The following TRAPPC9 variants were observed in gnomAD, a reference collection of about 807,000 sequenced individuals.
The protein encoded by TRAPPC9 is IKK2 binding protein.
TRAPPC9 carries 83 observed loss-of-function variants against 124.0 expected under a neutral mutation model. The ratio of observed to expected loss-of-function variants is 0.67; its 90% CI spans 0.56 to 0.80. The LOEUF is 0.80. TRAPPC9 is among the 30% of genes least tolerant of loss of function. TRAPPC9 has a pLI of 0.00. For synonymous variants in TRAPPC9, 638 were observed against 617.5 expected, an observed-to-expected ratio of 1.03 and a Z score of -0.49; for missense variants, 1,302 against 1,508.3, an observed-to-expected ratio of 0.86 and a Z score of 2.27.
At chr8:139,743,128 C>A (rs899728130) in intron 21 of TRAPPC9, among the ~76,000 whole-genome samples, 4 of 152,160 alleles carry the variant, frequency 2.6e-5, no homozygotes, top group African/African-American at 9.7e-5. Flanking sequence ...CTGCAGGGCC[C>A]AGAGTCCTGT....
intron 21 of TRAPPC9, among the ~76,000 whole-genome samples, chr8:139,854,352 A>C (rs1486187816): frequency 6.6e-6 from 1 of 152,228 alleles, no homozygotes; most frequent in Non-Finnish European, 1.5e-5. Flanking sequence ...TGACGCTTTT[A>C]GTACAGGAAA....
intron 14 of TRAPPC9, among the ~76,000 whole-genome samples, chr8:140,280,203 AG>A (rs2131684258): frequency 6.6e-6 from 1 of 152,312 alleles, no homozygotes; most frequent in Non-Finnish European, 1.5e-5. Flanking sequence ...TGGGAGTCTG[AG>A]CGTCTGGCTG....
At chr8:139,892,038 G>A (rs1830384721) in intron 20 of TRAPPC9, among the ~76,000 whole-genome samples, 1 of 152,154 alleles carries the variant, frequency 6.6e-6, no homozygotes, top group Non-Finnish European at 1.5e-5. Flanking sequence ...CGAATGTCAT[G>A]TTTCTGCATG....
At chr8:140,160,140 G>T (rs2130883944) in intron 17 of TRAPPC9, among the ~76,000 whole-genome samples, 1 of 152,288 alleles carries the variant, frequency 6.6e-6, no homozygotes, top group South Asian at 2.1e-4. Flanking sequence ...AAAAAGTCAG[G>T]AAACAACAGA....
At chr8:140,292,176 G>C (rs974043435) in intron 11 of TRAPPC9, among the ~76,000 whole-genome samples, 1 of 152,190 alleles carries the variant, frequency 6.6e-6, no homozygotes, top group Admixed American at 6.5e-5. Context: ...AGGCAAACCA[G>C]AAGGAATTTC....
chr8:140,444,870 A>AAAAAAAG (rs1564028551), intron 2 of TRAPPC9, among the ~76,000 whole-genome samples: 4 of 150,260 alleles, frequency 2.7e-5, no homozygotes, highest in African/African-American at 9.8e-5. Flanking sequence ...ATCTCAGGAA[A>AAAAAAAG]AAAAAAAAAA....
At chr8:140,197,489 C>T (rs1293933744) in intron 17 of TRAPPC9, among the ~76,000 whole-genome samples, 1 of 152,144 alleles carries the variant, frequency 6.6e-6, no homozygotes, top group Admixed American at 6.5e-5. Flanking sequence ...ATTCGAACCC[C>T]GGGGTGTTTT....
intron 11 of TRAPPC9, among the ~76,000 whole-genome samples, chr8:140,291,679 A>G (rs1396468424): frequency 1.3e-5 from 2 of 152,242 alleles, no homozygotes; most frequent in Non-Finnish European, 2.9e-5. Flanking sequence ...AAGTTTTTGC[A>G]GATGTGATTG....
intron 9 of TRAPPC9, among the ~76,000 whole-genome samples, chr8:140,345,742 C>T (rs1004177897): frequency 6.6e-6 from 1 of 152,150 alleles, no homozygotes; most frequent in African/African-American, 2.4e-5. Context: ...AGGGAACACT[C>T]GGGGAGGAAG....
At chr8:139,830,626 A>G (rs1335506940) in intron 21 of TRAPPC9, among the ~76,000 whole-genome samples, 4 of 152,040 alleles carry the variant, frequency 2.6e-5, no homozygotes, top group Non-Finnish European at 5.9e-5. Flanking sequence ...ATACACACAC[A>G]TGCATACACA....
At chr8:140,197,845 G>C (rs1211497556) in intron 17 of TRAPPC9, among the ~76,000 whole-genome samples, 1 of 152,204 alleles carries the variant, frequency 6.6e-6, no homozygotes, top group African/African-American at 2.4e-5. Flanking sequence ...GGCTCAGAAA[G>C]AGCCTTTCCT....
chr8:140,340,957 A>T (rs1285737497), intron 9 of TRAPPC9, among the ~76,000 whole-genome samples: 2 of 152,238 alleles, frequency 1.3e-5, no homozygotes, highest in African/African-American at 4.8e-5. Context: ...CTCAATTGAG[A>T]ACAGGTTGAG....
At chr8:140,290,900 C>A in intron 12 of TRAPPC9, 93 bp downstream of exon 12, 1 of 984,946 alleles carries the variant, frequency 1.0e-6, no homozygotes, top group Non-Finnish European at 1.6e-6. Context: ...AGACACATAT[C>A]GTAAGATGTG....
rs576358108 is a variant in TRAPPC9 at position 140,254,086 on chromosome 8, G to A, written c.2279-1157C>T. On this transcript the variant is annotated intron_variant, in intron 15 of 22. Coordinates refer to ENST00000438773, the MANE Select transcript of TRAPPC9 (RefSeq NM_001160372.4). The stretch of plus-strand genomic sequence containing the variant: ...CGCTGAAGTAGCTGCGTCTCTCCAC[G>A]GCTCCAGTTCCTAAAACCCAGGCAC... Among the ~76,000 whole-genome samples the A allele has an allele frequency of 8.5e-5, 13 of 152,266 alleles. No individual in the cohort carries two copies. In the South Asian group the frequency reaches 1.9e-3, roughly 22 times the overall value.
intron 18 of TRAPPC9, among the ~76,000 whole-genome samples, chr8:140,014,587 AG>A (rs1166994952): frequency 6.6e-6 from 1 of 152,150 alleles, no homozygotes; most frequent in Non-Finnish European, 1.5e-5. Flanking sequence ...TAGGGAGTGC[AG>A]AGACCAAGCT....
chr8:140,048,247 T>C (rs1381717771), intron 17 of TRAPPC9, among the ~76,000 whole-genome samples: 1 of 152,224 alleles, frequency 6.6e-6, no homozygotes, highest in Non-Finnish European at 1.5e-5. Flanking sequence ...GGACAGTGCC[T>C]GGCATATGCA....
At chr8:140,218,000 G>T (rs915492038) in intron 17 of TRAPPC9, among the ~76,000 whole-genome samples, 1 of 145,292 alleles carries the variant, frequency 6.9e-6, no homozygotes, top group Non-Finnish European at 1.5e-5. Context: ...CTGGGCAAGA[G>T]AGCAATACTC....
chr8:140,090,851 C>T (rs4736135), intron 17 of TRAPPC9, among the ~76,000 whole-genome samples: 116,024 of 152,242 alleles, frequency 0.76, 44,787 homozygotes, highest in African/African-American at 0.89. Flanking sequence ...AACAGGCTGA[C>T]GTGATGGACA....
chr8:139,775,738 G>A (rs573519926), intron 21 of TRAPPC9, among the ~76,000 whole-genome samples: 8 of 152,296 alleles, frequency 5.3e-5, no homozygotes, highest in Admixed American at 2.6e-4. Context: ...CCCTCTTTTC[G>A]TGTTGCCCTA....
Sources: allele counts gnomAD v4.1 joint callset (sites outside exome capture counted in the v4.1 genomes callset), GRCh38; gene constraint gnomAD v4.1.1; transcripts MANE v1.5; gene names NCBI Gene and HGNC (gene_info 2026-07-23, HGNC 2026-07-21).